OR3A2: variants seen among roughly 807,000 people sequenced by gnomAD.
OR3A2 encodes olfactory receptor 3A2.
For synonymous variants in OR3A2, 126 were observed against 159.3 expected (o/e 0.79, Z 1.57); for missense variants, 318 against 392.8 (o/e 0.81, Z 1.61).
chr17:3,370,363 T>C (rs1312821205), intron 2 of OR3A2, among the ~76,000 whole-genome samples: 1 of 152,222 alleles, frequency 6.6e-6, no homozygotes, highest in East Asian at 1.9e-4. Flanking sequence ...GTGGTATCAG[T>C]TGTAATATCT....
chr17:3,286,969 T>G (rs2048818615), upstream of OR3A2, among the ~76,000 whole-genome samples: 1 of 152,214 alleles, frequency 6.6e-6, no homozygotes, highest in African/African-American at 2.4e-5. Flanking sequence ...TTTTGGTGTT[T>G]TAGACATGAA....
chr17:3,326,764 T>C (rs1370748236), intron 3 of OR3A2, among the ~76,000 whole-genome samples: 1 of 138,100 alleles, frequency 7.2e-6, no homozygotes, highest in Non-Finnish European at 1.5e-5. Flanking sequence ...CCATGTGATC[T>C]CATTGTTCAA....
At position 3,316,384 on chromosome 17, in the gene OR3A2, T is replaced by C. The variant is rs561939967; in HGVS notation, c.-85+19649A>G. Among the ~76,000 whole-genome samples, 67 of 152,308 alleles carry C rather than the reference T, an allele frequency of 4.4e-4. 1 individual carries two copies. In the South Asian group the frequency reaches 5.8e-3, roughly 13 times the overall value. On this transcript the variant is annotated intron_variant, in intron 3 of 4. Transcript: ENST00000573491. ...TCAGCAGATGTCATTTTACACACCA[T>C]GGGCATCTACATATGTCTACTTGGA...
intron 3 of OR3A2, among the ~76,000 whole-genome samples, chr17:3,324,914 C>T (rs2049157936): frequency 6.6e-6 from 1 of 152,022 alleles, no homozygotes; most frequent in African/African-American, 2.4e-5. Flanking sequence ...CAAATATTTT[C>T]CTTATTAAAT....
chr17:3,298,661 AC>A (rs1216709558), intron 3 of OR3A2, among the ~76,000 whole-genome samples: 1 of 152,222 alleles, frequency 6.6e-6, no homozygotes, highest in Non-Finnish European at 1.5e-5. Context: ...CCACTTGGTA[AC>A]AACTCAAATG....
upstream of OR3A2, among the ~76,000 whole-genome samples, chr17:3,287,359 C>T (rs2048822930): frequency 1.3e-5 from 2 of 152,076 alleles, no homozygotes; most frequent in Non-Finnish European, 2.9e-5. Context: ...TCATCATCCA[C>T]CCCCCTCCCA....
At chr17:3,279,113 T>C in intron 1 of OR3A2, 1 of 858,510 alleles carries the variant, frequency 1.2e-6, no homozygotes, top group Non-Finnish European at 1.8e-6. Context: ...CACCACCACC[T>C]TGTCCTCCTC....
At position 3,311,177 on chromosome 17, in the gene OR3A2, C is replaced by G; in HGVS notation, c.-85+24856G>C. 1.9e-6 allele frequency: 1 copy of G among 538,252 alleles called. No homozygotes were observed. Among genetic ancestry groups the G allele is most frequent in the Non-Finnish European group, 3.8e-6 (1 of 262,540 alleles). The allele number at this position is 538,252 out of a possible 1,614,324, so 33.3% of individuals were successfully genotyped here. On this transcript the variant is annotated intron_variant, in intron 3 of 4. Transcript: ENST00000573491. The surrounding 1 kb of genome is among the most constrained non-coding windows in gnomAD (Gnocchi z 4.6). ...ACACTGTCATCAGCCCCATGCTGAACCCACTCATCTACTGGACATCTCTGC... is the reference window on the plus strand; with the variant it reads ...ACACTGTCATCAGCCCCATGCTGAAGCCACTCATCTACTGGACATCTCTGC...
chr17:3,352,341 T>C (rs1037307768), intron 2 of OR3A2, among the ~76,000 whole-genome samples: 1 of 151,982 alleles, frequency 6.6e-6, no homozygotes, highest in Non-Finnish European at 1.5e-5. Context: ...ACCAATGTCC[T>C]GAAGAGTTAC....
intron 3 of OR3A2, among the ~76,000 whole-genome samples, chr17:3,327,111 G>C (rs1285240323): frequency 2.7e-5 from 2 of 74,920 alleles, no homozygotes; most frequent in African/African-American, 8.5e-5. Context: ...TCTAGTTCTA[G>C]ATCCTTGAGG....
chr17:3,317,164 G>T (rs1832275305), intron 3 of OR3A2, among the ~76,000 whole-genome samples: 1 of 152,204 alleles, frequency 6.6e-6, no homozygotes, highest in South Asian at 2.1e-4. Context: ...TTCAGCAGCT[G>T]GAGAGATGCC....
In OR3A2 at chr17:3,303,934, T is replaced by TTATA. The variant is rs35478727; in HGVS notation, c.-84-24785_-84-24782dup. On this transcript the variant is annotated intron_variant, in intron 3 of 4. Transcript: ENST00000573491. ...ATAGATATAGATATAAATATATATA[T>TTATA]TATATATATATATTAGAAGTTTTGG... 6.9e-3 allele frequency among the ~76,000 whole-genome samples: 996 copies of TTATA among 144,500 alleles called. 9 individuals are homozygous for TTATA. Among genetic ancestry groups the TTATA allele is most frequent in the South Asian group, 0.019 (87 of 4,658 alleles). The allele number at this position is 144,500 out of a possible 152,430, so 94.8% of individuals were successfully genotyped here. A position where few individuals can be genotyped will look rare whatever the true frequency, so the allele number is the denominator to read the frequency against.
At chr17:3,303,747 A>AAAAAAAAAAAT (rs2048982162) in intron 3 of OR3A2, among the ~76,000 whole-genome samples, 1 of 105,572 alleles carries the variant, frequency 9.5e-6, no homozygotes, top group Non-Finnish European at 1.8e-5. Context: ...TCATCTCAAA[A>AAAAAAAAAAAT]AAAAAAATTA....
At chr17:3,323,930 C>A (rs541841390) in intron 3 of OR3A2, among the ~76,000 whole-genome samples, 26 of 152,202 alleles carry the variant, frequency 1.7e-4, no homozygotes, top group Non-Finnish European at 2.1e-4. Context: ...GGAAGTTCTC[C>A]TGGATAATAT....
chr17:3,322,434 T>C (rs1274579945), intron 3 of OR3A2, among the ~76,000 whole-genome samples: 1 of 152,202 alleles, frequency 6.6e-6, no homozygotes, highest in East Asian at 1.9e-4. Context: ...TGTTTGCTCT[T>C]GCTTCTCTAG....
At chr17:3,358,537 C>T (rs1179769425) in intron 2 of OR3A2, among the ~76,000 whole-genome samples, 1 of 151,612 alleles carries the variant, frequency 6.6e-6, no homozygotes, top group East Asian at 1.9e-4. Context: ...ATTATTTATT[C>T]AAAAGTCATT....
intron 2 of OR3A2, among the ~76,000 whole-genome samples, chr17:3,372,030 G>A (rs1212663842): frequency 8.0e-5 from 9 of 111,812 alleles, no homozygotes; most frequent in Non-Finnish European, 1.3e-4. Context: ...TCTCATACGG[G>A]GCGGCTGCCG....
At position 3,362,428 on chromosome 17, in the gene OR3A2, T is replaced by C. The variant is rs1430759966; in HGVS notation, c.-179+21376A>G. The stretch of plus-strand genomic sequence containing the variant: ...GTGTCTCTATCTCCTTCTGTTCTGC[T>C]CTGATCTTAGTTATTTCTTGCCTTC... On this transcript the variant is annotated intron_variant, in intron 2 of 4. Coordinates refer to the OR3A2 transcript ENST00000573491. Among the ~76,000 whole-genome samples the C allele has an allele frequency of 3.3e-5, 5 of 151,776 alleles. No homozygotes were observed. In the East Asian group the frequency reaches 7.7e-4, roughly 23 times the overall value.
chr17:3,331,824 T>G (rs1036060237), intron 3 of OR3A2, among the ~76,000 whole-genome samples: 28 of 151,766 alleles, frequency 1.8e-4, no homozygotes, highest in Admixed American at 3.9e-4. Flanking sequence ...TTCTGTTCTG[T>G]TTTTTCCCCA....
Sources: gnomAD v4.1 joint callset for allele counts (sites outside exome capture counted in the v4.1 genomes callset) on GRCh38, gnomAD v4.1.1 for gene constraint, Gnocchi (gnomAD v3.1) non-coding constraint, MANE v1.5 for transcripts, NCBI Gene and HGNC (gene_info 2026-07-23, HGNC 2026-07-21) for gene names.